The following NAA60 variants were observed in gnomAD, a reference collection of about 807,000 sequenced individuals.
NAA60 encodes the protein N-alpha-acetyltransferase 60, NatF catalytic subunit.
Under a neutral mutation model 26.1 loss-of-function variants are expected in NAA60, and 8 were observed. The observed-to-expected ratio is 0.31, with a 90% CI of 0.18 to 0.55. The LOEUF (loss-of-function observed/expected upper bound fraction) is 0.55, where lower values mean the gene tolerates loss of function less well. Among genes scored for constraint, NAA60 ranks in the 20% least tolerant of loss-of-function variants. NAA60 has a pLI of 0.93. For synonymous variants in NAA60, 131 were observed against 122.5 expected (o/e 1.07, Z -0.46); for missense variants, 290 against 311.3 (o/e 0.93, Z 0.51).
chr16:3,466,011 C>T (rs2035736125), intron 2 of NAA60, among the ~76,000 whole-genome samples: 1 of 152,248 alleles, frequency 6.6e-6, no homozygotes, highest in Non-Finnish European at 1.5e-5. Context: ...GTGGCCGTTG[C>T]TGCTGTTAAC....
intron 2 of NAA60, among the ~76,000 whole-genome samples, chr16:3,468,643 C>G (rs901957167): frequency 1.3e-5 from 2 of 152,192 alleles, no homozygotes; most frequent in African/African-American, 2.4e-5. Flanking sequence ...TTGTTTGGGT[C>G]AAGCAGGATC....
intron 2 of NAA60, among the ~76,000 whole-genome samples, chr16:3,475,154 G>A (rs2087997): frequency 0.37 from 55,476 of 149,794 alleles, 10,871 homozygotes; most frequent in African/African-American, 0.51. Flanking sequence ...CAGTGGCGCA[G>A]TCTTGGCTCA....
At chr16:3,454,392 G>C (rs1279350689) in intron 2 of NAA60, among the ~76,000 whole-genome samples, 1 of 152,184 alleles carries the variant, frequency 6.6e-6, no homozygotes, top group African/African-American at 2.4e-5. Flanking sequence ...CAAGAGAAAA[G>C]CGATAATATG....
At chr16:3,470,603 C>T (rs1442017352) in intron 2 of NAA60, among the ~76,000 whole-genome samples, 1 of 150,468 alleles carries the variant, frequency 6.6e-6, no homozygotes, top group African/African-American at 2.5e-5. Flanking sequence ...GGCACGGATA[C>T]ACTGGGGAGA....
rs920848208 is a variant in NAA60, at chr16:3,485,912, G to A, written c.*652G>A. ...GGCACAGGCGGTCACGCATCAGGAC[G>A]GTTCCTACTCCTCAGCACCTTCCGT... On this transcript the variant is annotated 3_prime_UTR_variant, in exon 8 of 8. Coordinates refer to ENST00000407558, the MANE Select transcript of NAA60 (RefSeq NM_001083601.3). 81 of 349,630 alleles carry A rather than the reference G, an allele frequency of 2.3e-4. No individual in the cohort carries two copies. The Admixed American group carries it at 2.6e-3, about 11-fold the overall frequency. 21.7% of individuals were successfully genotyped at this position (349,630 alleles called of 1,614,324 possible).
intron 4 of NAA60, among the ~76,000 whole-genome samples, chr16:3,480,596 TAA>T (rs199584965): frequency 6.9e-4 from 90 of 129,876 alleles, no homozygotes; most frequent in African/African-American, 7.3e-4. Flanking sequence ...AGACTTCGTC[TAA>T]AAAAAAAAAA....
intron 2 of NAA60, among the ~76,000 whole-genome samples, chr16:3,460,072 A>C (rs563983244): frequency 5.9e-5 from 9 of 152,328 alleles, no homozygotes; most frequent in Non-Finnish European, 4.4e-5. Context: ...AGGTGGATAC[A>C]GAATCCAGAA....
chr16:3,449,370 T>C (rs2034680500), intron 2 of NAA60, among the ~76,000 whole-genome samples: 1 of 151,584 alleles, frequency 6.6e-6, no homozygotes, highest in Non-Finnish European at 1.5e-5. Context: ...TACAAAAAAT[T>C]AGCTGGGCGT....
chr16:3,483,292 C>A (rs1596362897), intron 5 of NAA60, 71 bp from the exon 6 acceptor site: 4 of 1,145,082 alleles, frequency 3.5e-6, no homozygotes, highest in Non-Finnish European at 2.6e-6. Flanking sequence ...CATGCAAAGC[C>A]CCCATCCTAG....
intron 1 of NAA60, among the ~76,000 whole-genome samples, chr16:3,445,433 C>T (rs565846828): frequency 8.8e-4 from 134 of 151,868 alleles, no homozygotes; most frequent in Non-Finnish European, 1.6e-3. Context: ...GCCACCACGT[C>T]CGGCTAATTT....
intron 1 of NAA60, among the ~76,000 whole-genome samples, chr16:3,447,891 C>T (rs944947315): frequency 6.6e-6 from 1 of 152,130 alleles, no homozygotes; most frequent in Non-Finnish European, 1.5e-5. Flanking sequence ...GGGCTCTAAA[C>T]GTACCTTCAA....
chr16:3,465,950 G>A (rs764267366), intron 2 of NAA60, among the ~76,000 whole-genome samples: 2 of 152,212 alleles, frequency 1.3e-5, no homozygotes, highest in African/African-American at 2.4e-5. Context: ...GTGACAGAAC[G>A]TTCAACCCAG....
At chr16:3,460,555 G>T (rs963506208) in intron 2 of NAA60, among the ~76,000 whole-genome samples, 4 of 152,156 alleles carry the variant, frequency 2.6e-5, no homozygotes, top group African/African-American at 9.7e-5. Context: ...TGGTGGAGAC[G>T]GGGTTTTGCC....
chr16:3,463,837 C>G (rs1225817748), intron 2 of NAA60, among the ~76,000 whole-genome samples: 2 of 152,116 alleles, frequency 1.3e-5, no homozygotes, highest in African/African-American at 4.8e-5. Flanking sequence ...GAGATCCTGT[C>G]TCTTAGAGAA....
At chr16:3,446,806 T>C (rs1159084692) in intron 1 of NAA60, among the ~76,000 whole-genome samples, 2 of 152,092 alleles carry the variant, frequency 1.3e-5, no homozygotes, top group Non-Finnish European at 2.9e-5. Context: ...AGATGCAGTT[T>C]TGCCATGTTG....
intron 2 of NAA60, among the ~76,000 whole-genome samples, chr16:3,455,546 C>T (rs1407579397): frequency 6.6e-6 from 1 of 151,440 alleles, no homozygotes; most frequent in Non-Finnish European, 1.5e-5. Flanking sequence ...AGGCACCTGC[C>T]ACCACGCCCG....
At chr16:3,471,451 C>G (rs937713832) in intron 2 of NAA60, among the ~76,000 whole-genome samples, 1 of 152,054 alleles carries the variant, frequency 6.6e-6, no homozygotes, top group South Asian at 2.1e-4. Flanking sequence ...TGCAGTGAAC[C>G]GAGATCGCGC....
intron 2 of NAA60, among the ~76,000 whole-genome samples, chr16:3,455,218 A>T (rs929455837): frequency 6.0e-5 from 9 of 150,556 alleles, no homozygotes; most frequent in Non-Finnish European, 1.3e-4. Flanking sequence ...TGCTCAGCAA[A>T]TTTTTTTTTG....
intron 5 of NAA60, chr16:3,482,846 T>C (rs562432581): frequency 1.2e-5 from 7 of 565,750 alleles, no homozygotes; most frequent in East Asian, 1.2e-4. Flanking sequence ...GCAGCCTCGC[T>C]CAGCCCCCAG....
Sources: allele counts gnomAD v4.1 joint callset (sites outside exome capture counted in the v4.1 genomes callset), GRCh38; gene constraint gnomAD v4.1.1; transcripts MANE v1.5; gene names NCBI Gene and HGNC (gene_info 2026-07-23, HGNC 2026-07-21).